The following NARS2 variants were observed in gnomAD, a reference collection of about 807,000 sequenced individuals.
NARS2 encodes asparaginyl-tRNA synthetase 2, mitochondrial.
Under a neutral mutation model 62.9 loss-of-function variants are expected in NARS2, and 60 were observed. The observed-to-expected ratio is 0.95, with a 90% CI of 0.77 to 1.18. The LOEUF (loss-of-function observed/expected upper bound fraction) is 1.18. Ranked by LOEUF, NARS2 falls within the 50% of genes most tolerant of loss-of-function variation. The pLI, the probability that NARS2 is intolerant of heterozygous loss-of-function variation, is 0.00. For synonymous variants in NARS2, 196 were observed against 200.0 expected (o/e 0.98, Z 0.17); for missense variants, 619 against 576.4 (o/e 1.07, Z -0.76).
chr11:78,500,920 C>T (rs545629857), intron 6 of NARS2, among the ~76,000 whole-genome samples: 22 of 152,014 alleles, frequency 1.4e-4, no homozygotes, highest in African/African-American at 2.4e-4. Context: ...GGTGAAACCC[C>T]GTCTCTACAA....
intron 6 of NARS2, among the ~76,000 whole-genome samples, chr11:78,525,885 T>C (rs2135421392): frequency 6.6e-6 from 1 of 152,264 alleles, no homozygotes; most frequent in East Asian, 1.9e-4. Context: ...GTGGTATTCT[T>C]TCAAAATACC....
chr11:78,465,693 G>C (rs938232079), intron 11 of NARS2, among the ~76,000 whole-genome samples, 183 bp downstream of exon 11: 1 of 152,240 alleles, frequency 6.6e-6, no homozygotes, highest in African/African-American at 2.4e-5. Flanking sequence ...TGACAGAAAT[G>C]AGGAAGTACG....
At chr11:78,515,216 C>T (rs1418555229) in intron 6 of NARS2, among the ~76,000 whole-genome samples, 1 of 152,008 alleles carries the variant, frequency 6.6e-6, no homozygotes, top group Non-Finnish European at 1.5e-5. Context: ...TAAATGCTCC[C>T]CCACCCACCC....
intron 2 of NARS2, among the ~76,000 whole-genome samples, chr11:78,569,243 T>C (rs752667310): frequency 3.9e-5 from 6 of 152,232 alleles, no homozygotes; most frequent in African/African-American, 9.6e-5. Context: ...ATGACAACTA[T>C]GGAAAGTCAT....
Position 78,571,481 on chromosome 11 carries a change from C to T in NARS2, c.142-37G>A, listed in dbSNP as rs560291785. On this transcript the variant is annotated intron_variant, in intron 1 of 13. Coordinates refer to ENST00000281038, the MANE Select transcript of NARS2 (RefSeq NM_024678.6). ...AAATATTTCCAATGTGAGCGTAAAA[C>T]ATTTTACGTTTTCATTACACATACA... 7.5e-6 allele frequency: 11 copies of T among 1,457,514 alleles called. No homozygotes were observed. In the East Asian group the frequency reaches 1.8e-4, roughly 24 times the overall value. The allele number at this position is 1,457,514 out of a possible 1,614,324, so 90.3% of individuals were successfully genotyped here.
chr11:78,478,220 T>C (rs1036744065), intron 9 of NARS2, among the ~76,000 whole-genome samples: 1 of 152,062 alleles, frequency 6.6e-6, no homozygotes, highest in Admixed American at 6.6e-5. Context: ...AAACACTGAT[T>C]ATCAACTATG....
chr11:78,563,851 A>T (rs376202878), intron 4 of NARS2, among the ~76,000 whole-genome samples: 706 of 33,798 alleles, frequency 0.021, 23 homozygotes, highest in African/African-American at 0.057. Context: ...AAAAAAAAAA[A>T]ATATATATAT....
At chr11:78,554,422 TTC>T (rs1440322143) in intron 5 of NARS2, among the ~76,000 whole-genome samples, 1 of 152,134 alleles carries the variant, frequency 6.6e-6, no homozygotes, top group Non-Finnish European at 1.5e-5. Flanking sequence ...TGTTTGTATC[TTC>T]TCTGATTTCT....
rs71046981 is a variant in NARS2, at chr11:78,554,508, C to CGTGTGTGT, written c.594+5023_594+5030dup. ...TTAGCTGTATTCCTAGGCGTGTGTG[C>CGTGTGTGT]GTGTGTGTGTGTGTGTGTGTGTCAA... On this transcript the variant is annotated intron_variant, in intron 5 of 13. Transcript: ENST00000281038. 3.6e-3 allele frequency among the ~76,000 whole-genome samples: 528 copies of CGTGTGTGT among 147,004 alleles called. 1 individual carries two copies. Among genetic ancestry groups the CGTGTGTGT allele is most frequent in the African/African-American group, 0.01 (397 of 39,388 alleles).
At chr11:78,535,774 C>T (rs147234583) in intron 5 of NARS2, among the ~76,000 whole-genome samples, 1,637 of 152,012 alleles carry the variant, frequency 0.011, 33 homozygotes, top group African/African-American at 0.039. Context: ...TGCACCACCA[C>T]GCCTTGCTAA....
At chr11:78,572,427 G>A (rs942514100) in intron 1 of NARS2, among the ~76,000 whole-genome samples, 13 of 152,174 alleles carry the variant, frequency 8.5e-5, no homozygotes, top group Non-Finnish European at 1.5e-4. Context: ...GATTAGTAGA[G>A]TTGAGATTCA....
intron 9 of NARS2, among the ~76,000 whole-genome samples, chr11:78,475,665 T>C (rs987946967): frequency 2.1e-5 from 3 of 143,424 alleles, no homozygotes; most frequent in South Asian, 2.4e-4. Flanking sequence ...TCTGTGATCA[T>C]AGCTCACTGA....
chr11:78,510,289 A>T (rs1175927056), intron 6 of NARS2, among the ~76,000 whole-genome samples: 4 of 152,158 alleles, frequency 2.6e-5, no homozygotes, highest in South Asian at 4.1e-4. Context: ...TGGAAAAAAA[A>T]TTTTCCATGC....
At chr11:78,493,327 G>C in intron 6 of NARS2, 132 bp from the exon 7 acceptor site, 4 of 804,370 alleles carry the variant, frequency 5.0e-6, no homozygotes, top group Non-Finnish European at 7.8e-6. Context: ...ACACATATTT[G>C]CTGCTACATA....
intron 5 of NARS2, among the ~76,000 whole-genome samples, chr11:78,551,265 G>T (rs927386289): frequency 2.0e-5 from 3 of 152,146 alleles, no homozygotes; most frequent in Non-Finnish European, 4.4e-5. Context: ...CGAACATCAC[G>T]GAGTCTATTT....
At chr11:78,521,625 C>T (rs1280446784) in intron 6 of NARS2, among the ~76,000 whole-genome samples, 3 of 152,006 alleles carry the variant, frequency 2.0e-5, no homozygotes, top group African/African-American at 7.2e-5. Context: ...CTCGCCTCTA[C>T]TAAACATACA....
chr11:78,521,998 T>G (rs7103856), intron 6 of NARS2, among the ~76,000 whole-genome samples: 14,908 of 152,110 alleles, frequency 0.098, 2,358 homozygotes, highest in African/African-American at 0.33. Context: ...TTGTTGCCCA[T>G]GCTGGAGTGC....
At chr11:78,444,836 C>T (rs1307513034) in intron 11 of NARS2, among the ~76,000 whole-genome samples, 1 of 151,302 alleles carries the variant, frequency 6.6e-6, no homozygotes, top group Non-Finnish European at 1.5e-5. Flanking sequence ...ATGGATAAAC[C>T]AATAAGCTCA....
chr11:78,557,749 T>A (rs2135510979), intron 5 of NARS2, among the ~76,000 whole-genome samples: 1 of 150,414 alleles, frequency 6.6e-6, no homozygotes, highest in South Asian at 2.1e-4. Context: ...TATCTGATAA[T>A]TTGTCTTAGG....
Sources: allele counts gnomAD v4.1 joint callset (sites outside exome capture counted in the v4.1 genomes callset), GRCh38; gene constraint gnomAD v4.1.1; transcripts MANE v1.5; gene names NCBI Gene and HGNC (gene_info 2026-07-23, HGNC 2026-07-21).